The following FCN1 variants were observed in gnomAD, a reference collection of about 807,000 sequenced individuals.
FCN1 encodes the protein ficolin-1.
In FCN1, 42 loss-of-function variants were observed where a neutral mutation model predicts 35.6. The ratio of observed to expected loss-of-function variants is 1.18; its 90% confidence interval spans 0.92 to 1.53. FCN1 has a LOEUF of 1.53. Among genes scored for constraint, FCN1 ranks in the 40% most tolerant of loss-of-function variants. The pLI is 0.00. For missense variants in FCN1, 439 were observed against 428.4 expected, an observed-to-expected ratio of 1.02 and a Z score of -0.22; for synonymous variants, 179 against 169.8, an observed-to-expected ratio of 1.05 and a Z score of -0.42.
In FCN1 at chr9:134,905,165, G is replaced by A. The variant is rs1830925290; in HGVS notation, c.*4633C>T. Among the ~76,000 whole-genome samples, 1 of 152,204 alleles carries A rather than the reference G, an allele frequency of 6.6e-6. No individual in the cohort carries two copies. The highest frequency in any genetic ancestry group is 2.4e-5 in the African/African-American group (1 of 41,450). ...TAGGAAAAGAATGAACAAGTTATAA[G>A]CTGATAGAGGAGGTGACGGGATAAT... On this transcript the variant is annotated 3_prime_UTR_variant, in exon 9 of 9. Transcript: ENST00000371806.
chr9:134,913,219 G>A (rs1021883510), intron 5 of FCN1, 76 bp from the exon 6 acceptor site: 6 of 1,562,510 alleles, frequency 3.8e-6, no homozygotes, highest in Non-Finnish European at 5.2e-6. Context: ...GGAGGCCCAG[G>A]AGGGAGGAGG....
In FCN1 at chr9:134,908,470, A is replaced by G. The variant is rs986471305; in HGVS notation, c.*1328T>C. 3 of 152,122 alleles carry G rather than the reference A, an allele frequency of 2.0e-5. No individual in the cohort carries two copies. The highest frequency in any genetic ancestry group is 7.2e-5 in the African/African-American group (3 of 41,414). The allele number at this position is 152,122 out of a possible 1,614,324, so 9.4% of individuals were successfully genotyped here. On this transcript the variant is annotated 3_prime_UTR_variant, in exon 9 of 9. Coordinates refer to ENST00000371806, the MANE Select transcript of FCN1 (RefSeq NM_002003.5). ...TTCCATGGCAAAAGAGACTTTGCTG[A>G]TGTGGTTAGGGATAGAGACCTGGAC...
intron 8 of FCN1, 34 bp downstream of exon 8, chr9:134,911,099 C>T (rs756576727): frequency 3.6e-5 from 58 of 1,611,722 alleles, no homozygotes; most frequent in Non-Finnish European, 4.6e-5. Flanking sequence ...TTTCCAAGCC[C>T]CACTCAGGCC....
chr9:134,912,677 C>T, intron 6 of FCN1, 62 bp from the exon 7 acceptor site: 1 of 1,609,570 alleles, frequency 6.2e-7, no homozygotes, highest in South Asian at 1.1e-5. Context: ...GCACCGGGGA[C>T]CCGCCCTCCA....
At chr9:134,910,506 G>A (rs550754075) in intron 8 of FCN1, among the ~76,000 whole-genome samples, 4 of 152,222 alleles carry the variant, frequency 2.6e-5, no homozygotes, top group South Asian at 2.1e-4. Flanking sequence ...CCTGAGCCTC[G>A]GTTTTACCAC....
chr9:134,909,209 C>A lies in FCN1; in HGVS notation c.*589G>T, dbSNP rs778170722. ...CTAAGTGTTTATCTCTTCCCAGCAG[C>A]CAGCCAGCCCAAAGCATGAACTCTG... On this transcript the variant is annotated 3_prime_UTR_variant, in exon 9 of 9. Transcript: ENST00000371806. 5 of 1,289,498 alleles carry A rather than the reference C, an allele frequency of 3.9e-6. No individual in the cohort carries two copies. The highest frequency in any genetic ancestry group is 5.1e-6 in the Non-Finnish European group (5 of 988,756). The allele number at this position is 1,289,498 out of a possible 1,614,324, so 79.9% of individuals were successfully genotyped here.
At position 134,903,426 on chromosome 9, in the gene FCN1, A is replaced by T. The variant is rs1370372103; in HGVS notation, c.*6372T>A. ...ATATTAAGTTTGTTCTCTGACCCTG[A>T]TAGAGGTAAGCCAGAAATCAAGAAC... On this transcript the variant is annotated 3_prime_UTR_variant, in exon 9 of 9. Coordinates refer to ENST00000371806, the MANE Select transcript of FCN1 (RefSeq NM_002003.5). Among the ~76,000 whole-genome samples the T allele has an allele frequency of 1.3e-5, 2 of 152,174 alleles. No homozygotes were observed. Among genetic ancestry groups the T allele is most frequent in the Non-Finnish European group, 2.9e-5 (2 of 68,010 alleles).
In FCN1 at chr9:134,905,419, T is replaced by C. The variant is rs1298205864; in HGVS notation, c.*4379A>G. 6.6e-6 allele frequency among the ~76,000 whole-genome samples: 1 copy of C among 152,206 alleles called. No individual in the cohort carries two copies. Among genetic ancestry groups the C allele is most frequent in the Non-Finnish European group, 1.5e-5 (1 of 68,038 alleles). ...CTCAAATCACAAAAGCTCTCTCAGT[T>C]CTGCTGATGTGAGTTGGGGAGGAAT... On this transcript the variant is annotated 3_prime_UTR_variant, in exon 9 of 9. Transcript: ENST00000371806.
At chr9:134,914,629 C>G in intron 3 of FCN1, 127 bp downstream of exon 3, 2 of 921,766 alleles carry the variant, frequency 2.2e-6, no homozygotes, top group Admixed American at 4.4e-5. Flanking sequence ...CTGTCTTTCT[C>G]TCTCTGTTGC....
chr9:134,917,720 T>C, intron 1 of FCN1, 49 bp downstream of exon 1: 5 of 1,217,396 alleles, frequency 4.1e-6, no homozygotes, highest in Non-Finnish European at 6.1e-6. Context: ...TGTCAGTGAG[T>C]GGGGTTGTTA....
intron 8 of FCN1, among the ~76,000 whole-genome samples, 163 bp downstream of exon 8, chr9:134,910,970 G>T (rs536489979): frequency 5.2e-4 from 79 of 152,344 alleles, no homozygotes; most frequent in African/African-American, 1.8e-3. Flanking sequence ...GCTATGTCCT[G>T]TGAGCCCCAC....
In FCN1 at chr9:134,903,662, AC is replaced by A. The variant is rs1180155619; in HGVS notation, c.*6135del. Among the ~76,000 whole-genome samples the A allele has an allele frequency of 6.6e-6, 1 of 151,690 alleles. No individual in the cohort carries two copies. The highest frequency in any genetic ancestry group is 1.5e-5 in the Non-Finnish European group (1 of 67,970). On this transcript the variant is annotated 3_prime_UTR_variant, in exon 9 of 9. Transcript: ENST00000371806. ...ATACTATGTCTAGCATTCAATCAAAACCCTCCAAGTGTGCCAAAAAACTAAG... is the reference window on the plus strand; with the variant it reads ...ATACTATGTCTAGCATTCAATCAAAACCTCCAAGTGTGCCAAAAAACTAAG...
rs1325546152 is a variant in FCN1 at position 134,904,208 on chromosome 9, G to A, written c.*5590C>T. Among the ~76,000 whole-genome samples, 2 of 152,126 alleles carry A rather than the reference G, an allele frequency of 1.3e-5. No individual in the cohort carries two copies. Among genetic ancestry groups the A allele is most frequent in the African/African-American group, 4.8e-5 (2 of 41,424 alleles). On this transcript the variant is annotated 3_prime_UTR_variant, in exon 9 of 9. Coordinates refer to ENST00000371806, the MANE Select transcript of FCN1 (RefSeq NM_002003.5). ...AGAGAAAGTCTCATCCAGGCACCTT[G>A]TAGTAAAACTATCAAGGCAAAGAAA...
At position 134,912,568 on chromosome 9, in the gene FCN1, C is replaced by T. The variant is rs751904345; in HGVS notation, c.516G>A (p.Trp172Ter). 6.2e-7 allele frequency: 1 copy of T among 1,614,136 alleles called. No individual in the cohort carries two copies. The highest frequency in any genetic ancestry group is 1.7e-5 in the Admixed American group (1 of 60,024). The change falls in exon 7 of 9, where the codon TGG (tryptophan) becomes TGA (stop). Residue 172 changes from tryptophan (W) to a stop codon, truncating the protein, a stop_gained. Transcript: ENST00000371806. LOFTEE classifies it high-confidence loss of function. ...TGCCGAAGCCCTGCTTGTATGCGGCCCAGTCCCGATAGAAGTCCACAGAGC... is the reference window on the plus strand; with the variant it reads ...TGCCGAAGCCCTGCTTGTATGCGGCTCAGTCCCGATAGAAGTCCACAGAGC... ...MDGSVDFYRD[W>*]AAYKQGFGSQ...
In FCN1 at chr9:134,916,404, G is replaced by T; in HGVS notation, c.161C>A (p.Pro54Gln). ...TGGCCCTGGGGCCCCGGGCAGCCCC[G>T]GGCAGCCTCGGAGAATGGTGAGCTT... ...SDKLTILRGC[P>Q]GLPGAPGPKG... is the part of the protein sequence containing the mutation. The change falls in exon 2 of 9, where the codon CCG becomes CAG. Residue 54 changes from proline to glutamine, a missense_variant. Transcript: ENST00000371806. 6.2e-7 allele frequency: 1 copy of T among 1,614,174 alleles called. No individual in the cohort carries two copies. Among genetic ancestry groups the T allele is most frequent in the Admixed American group, 1.7e-5 (1 of 60,036 alleles).
At position 134,903,666 on chromosome 9, in the gene FCN1, TCC is replaced by T. The variant is rs1481678284; in HGVS notation, c.*6130_*6131del. Among the ~76,000 whole-genome samples the T allele has an allele frequency of 6.6e-6, 1 of 151,640 alleles. No homozygotes were observed. Among genetic ancestry groups the T allele is most frequent in the Non-Finnish European group, 1.5e-5 (1 of 67,928 alleles). On this transcript the variant is annotated 3_prime_UTR_variant, in exon 9 of 9. Coordinates refer to ENST00000371806, the MANE Select transcript of FCN1 (RefSeq NM_002003.5). ...TATGTCTAGCATTCAATCAAAACCC[TCC>T]AAGTGTGCCAAAAAACTAAGATTAA...
intron 8 of FCN1, 66 bp from the exon 9 acceptor site, chr9:134,910,111 A>G: frequency 2.8e-6 from 4 of 1,432,036 alleles, no homozygotes; most frequent in South Asian, 2.3e-5. Context: ...GACCCTCACC[A>G]CATCCTGCCT....
At position 134,909,573 on chromosome 9, in the gene FCN1, A is replaced by C; in HGVS notation, c.*225T>G. ...ACTGGTGTTCAAGAAACACACATTG[A>C]AACTGGTAAAACTTTTCTGTCCCAA... On this transcript the variant is annotated 3_prime_UTR_variant, in exon 9 of 9. Coordinates refer to ENST00000371806, the MANE Select transcript of FCN1 (RefSeq NM_002003.5). 2 of 1,465,396 alleles carry C rather than the reference A, an allele frequency of 1.4e-6. No homozygotes were observed. Among genetic ancestry groups the C allele is most frequent in the Non-Finnish European group, 1.8e-6 (2 of 1,101,392 alleles). 90.8% of individuals were successfully genotyped at this position (1,465,396 alleles called of 1,614,324 possible).
chr9:134,911,199 A>G lies in FCN1; in HGVS notation c.667T>C (p.Phe223Leu). ...GNHQFAKYKS[F>L]KVADEAEKYK... is the part of the protein sequence containing the mutation. ...TTCTCTGCCTCGTCAGCCACCTTGAATGATTTGTACTTAGCAAACTGGTGG... is the reference window on the plus strand; with the variant it reads ...TTCTCTGCCTCGTCAGCCACCTTGAGTGATTTGTACTTAGCAAACTGGTGG... The change falls in exon 8 of 9, where the codon TTC (phenylalanine) becomes CTC (leucine). Residue 223 changes from phenylalanine to leucine, a missense_variant. By Grantham distance (22) the Phe-to-Leu change is conservative (BLOSUM62 0). Coordinates refer to ENST00000371806, the MANE Select transcript of FCN1 (RefSeq NM_002003.5). 2 of 1,614,168 alleles carry G rather than the reference A, an allele frequency of 1.2e-6. No individual in the cohort carries two copies. Among genetic ancestry groups the G allele is most frequent in the African/African-American group, 1.3e-5 (1 of 75,048 alleles).
Sources: gnomAD v4.1 joint callset for allele counts (sites outside exome capture counted in the v4.1 genomes callset) on GRCh38, gnomAD v4.1.1 for gene constraint, MANE v1.5 for transcripts, NCBI Gene and HGNC (gene_info 2026-07-23, HGNC 2026-07-21) for gene names.